Variants in GNAT3 observed in about 807,000 individuals in gnomAD.
The protein encoded by GNAT3 is G protein subunit alpha transducin 3, also known as guanine nucleotide-binding protein G(t) subunit alpha-3.
Under a neutral mutation model 37.7 loss-of-function variants are expected in GNAT3, and 31 were observed. That is an observed-to-expected ratio of 0.82 (90% CI 0.62 to 1.11). The LOEUF is 1.11. GNAT3 is among the 50% of genes most tolerant of loss of function. The probability of loss-of-function intolerance (pLI) is 0.00; values close to 1 mark genes in which losing one functional copy is unlikely to be tolerated. For synonymous variants in GNAT3, 138 were observed against 139.8 expected (o/e 0.99, Z 0.09); for missense variants, 437 against 412.5 (o/e 1.06, Z -0.51).
intron 3 of GNAT3, chr7:80,487,690 G>T (rs908931803): frequency 1.3e-5 from 2 of 152,056 alleles, no homozygotes; most frequent in Non-Finnish European, 2.9e-5. Context: ...CTATAGCAAG[G>T]TTTCCAAGAA....
At chr7:80,493,456 G>C (rs1309189962) in intron 2 of GNAT3, among the ~76,000 whole-genome samples, 1 of 152,138 alleles carries the variant, frequency 6.6e-6, no homozygotes, top group Non-Finnish European at 1.5e-5. Flanking sequence ...CACATAAAAG[G>C]AAAACAGTGT....
intron 1 of GNAT3, among the ~76,000 whole-genome samples, chr7:80,506,948 T>C (rs146986442): frequency 6.6e-6 from 1 of 152,174 alleles, no homozygotes; most frequent in East Asian, 1.9e-4. Flanking sequence ...TTATGCTATA[T>C]AAAAATATTT....
At chr7:80,503,963 C>T (rs953908986) in intron 1 of GNAT3, among the ~76,000 whole-genome samples, 4 of 152,124 alleles carry the variant, frequency 2.6e-5, no homozygotes, top group African/African-American at 9.7e-5. Context: ...AAGAAGCAAG[C>T]TTCAATGAAG....
chr7:80,484,804 T>G (rs1790449932), intron 3 of GNAT3, among the ~76,000 whole-genome samples: 1 of 152,024 alleles, frequency 6.6e-6, no homozygotes, highest in Non-Finnish European at 1.5e-5. Context: ...ACAATCCCGA[T>G]TTAGCTGCTT....
At chr7:80,479,442 G>A (rs1016734763) in intron 3 of GNAT3, among the ~76,000 whole-genome samples, 4 of 151,748 alleles carry the variant, frequency 2.6e-5, no homozygotes, top group African/African-American at 4.8e-5. Context: ...AGAGTAGACC[G>A]GGCATGGTGG....
chr7:80,485,217 C>T lies in GNAT3; in HGVS notation c.303+3318G>A, dbSNP rs571312727. Among the ~76,000 whole-genome samples the T allele has an allele frequency of 5.3e-5, 8 of 151,700 alleles. No homozygotes were observed. The East Asian group carries it at 1.6e-3, about 30-fold the overall frequency. ...CCCTAGACTCTGTTATCCCTAATAC[C>T]CTTCCCTTCTTAATCTAAGTGCTTC... On this transcript the variant is annotated intron_variant, in intron 3 of 7. Coordinates refer to ENST00000398291, the MANE Select transcript of GNAT3 (RefSeq NM_001102386.3).
At chr7:80,494,669 A>G in intron 1 of GNAT3, 22 bp from the exon 2 acceptor site, 6 of 1,390,024 alleles carry the variant, frequency 4.3e-6, no homozygotes, top group Non-Finnish European at 6.0e-6. Flanking sequence ...AAAGAGGAAT[A>G]TTATTAACTG....
At chr7:80,460,114 G>C (rs560566572) in intron 7 of GNAT3, among the ~76,000 whole-genome samples, 1 of 152,100 alleles carries the variant, frequency 6.6e-6, no homozygotes, top group Non-Finnish European at 1.5e-5. Context: ...ACTGTGGTTC[G>C]TTTAAGGAAC....
At chr7:80,486,912 G>T (rs140033219) in intron 3 of GNAT3, among the ~76,000 whole-genome samples, 9 of 152,034 alleles carry the variant, frequency 5.9e-5, no homozygotes, top group Non-Finnish European at 1.2e-4. Flanking sequence ...ATGGAATACC[G>T]TATTGCATCT....
At chr7:80,500,563 A>C (rs1364682625) in intron 1 of GNAT3, among the ~76,000 whole-genome samples, 1 of 152,070 alleles carries the variant, frequency 6.6e-6, no homozygotes, top group Non-Finnish European at 1.5e-5. Flanking sequence ...TCTAGGGTCT[A>C]TTCTGTTAAC....
chr7:80,462,859 T>C (rs1200064833), intron 5 of GNAT3, among the ~76,000 whole-genome samples: 1 of 152,184 alleles, frequency 6.6e-6, no homozygotes, highest in Non-Finnish European at 1.5e-5. Context: ...TAAAATAATT[T>C]ACACACTGAC....
chr7:80,461,741 A>G (rs1433300632), intron 7 of GNAT3, among the ~76,000 whole-genome samples: 3 of 152,164 alleles, frequency 2.0e-5, no homozygotes, highest in African/African-American at 7.2e-5. Context: ...TCTCAAATTC[A>G]TTCATGCTAT....
intron 1 of GNAT3, among the ~76,000 whole-genome samples, chr7:80,501,731 T>A (rs1790837314): frequency 6.6e-6 from 1 of 151,960 alleles, no homozygotes; most frequent in Admixed American, 6.6e-5. Flanking sequence ...ATATATTCAA[T>A]TATCTGTATT....
chr7:80,483,782 C>T (rs539716963), intron 3 of GNAT3, among the ~76,000 whole-genome samples: 3 of 152,152 alleles, frequency 2.0e-5, no homozygotes, highest in East Asian at 3.9e-4. Context: ...CTTCCCAATA[C>T]CACCTCCTCA....
chr7:80,474,104 AGGACAGC>A, intron 5 of GNAT3, 140 bp downstream of exon 5: 1 of 689,318 alleles, frequency 1.5e-6, no homozygotes. Flanking sequence ...AGGACAGTAA[AGGACAGC>A]GGTACTGAAG....
intron 3 of GNAT3, 77 bp downstream of exon 3, chr7:80,488,458 T>C (rs574841592): frequency 1.7e-6 from 2 of 1,159,600 alleles, no homozygotes; most frequent in Non-Finnish European, 2.5e-6. Context: ...ATTAATACTA[T>C]GAACTTATTA....
At chr7:80,487,579 TC>T (rs1790512094) in intron 3 of GNAT3, 1 of 152,166 alleles carries the variant, frequency 6.6e-6, no homozygotes, top group Non-Finnish European at 1.5e-5. Flanking sequence ...ATTTACAAGA[TC>T]CAGTGGTCAT....
At chr7:80,498,919 T>A (rs192050787) in intron 1 of GNAT3, among the ~76,000 whole-genome samples, 402 of 152,318 alleles carry the variant, frequency 2.6e-3, no homozygotes, top group African/African-American at 9.4e-3. Flanking sequence ...TCTACATTTT[T>A]AAATCTGAAA....
In GNAT3 at chr7:80,494,217, C is replaced by T. The variant is rs572452230; in HGVS notation, c.161+388G>A. The stretch of plus-strand genomic sequence containing the variant: ...CATGATAGTAATTAAGCATTTTATT[C>T]CCAGGTAGGCAAAATGCTAATGAGG... On this transcript the variant is annotated intron_variant, in intron 2 of 7. Transcript: ENST00000398291. Among the ~76,000 whole-genome samples, 19 of 152,168 alleles carry T rather than the reference C, an allele frequency of 1.2e-4. No homozygotes were observed. In the East Asian group the frequency reaches 3.5e-3, roughly 28 times the overall value.
Sources: gnomAD v4.1 joint callset for allele counts (sites outside exome capture counted in the v4.1 genomes callset) on GRCh38, gnomAD v4.1.1 for gene constraint, MANE v1.5 for transcripts, NCBI Gene and HGNC (gene_info 2026-07-23, HGNC 2026-07-21) for gene names.